The following TUBA4B variants were observed in gnomAD, a reference collection of about 807,000 sequenced individuals.
TUBA4B encodes the protein tubulin alpha 4b.
A neutral mutation model predicts 18.4 loss-of-function variants in TUBA4B; 13 were observed. That is an observed-to-expected ratio of 0.71 (90% CI 0.46 to 1.12). The LOEUF is 1.12. Ranked by LOEUF, TUBA4B falls within the 50% of genes most tolerant of loss-of-function variation. The pLI is 0.00. For missense variants in TUBA4B, 244 were observed against 250.0 expected, an observed-to-expected ratio of 0.98 and a Z score of 0.16; for synonymous variants, 101 against 99.1, an observed-to-expected ratio of 1.02 and a Z score of -0.11.
chr2:219,271,794 C>G lies in TUBA4B; in HGVS notation c.*95C>G, dbSNP rs1328425019. The G allele has an allele frequency of 1.2e-6, 2 of 1,605,512 alleles. No homozygotes were observed. Among genetic ancestry groups the G allele is most frequent in the East Asian group, 2.2e-5 (1 of 44,860 alleles). On this transcript the variant is annotated 3_prime_UTR_variant, in exon 4 of 4. Coordinates refer to ENST00000490341, the MANE Select transcript of TUBA4B (RefSeq NM_001355221.1). The stretch of plus-strand genomic sequence containing the variant: ...ATGTCAACGCTGCCATTGCTGCCAT[C>G]AAGACCAAGTGCAGCATTCAGTTTG...
intron 1 of TUBA4B, among the ~76,000 whole-genome samples, chr2:219,259,106 C>T (rs553998533): frequency 6.7e-6 from 1 of 149,348 alleles, no homozygotes; most frequent in East Asian, 2.0e-4. Context: ...CATGGTGAAA[C>T]CTCGTCTCTA....
intron 1 of TUBA4B, among the ~76,000 whole-genome samples, chr2:219,255,077 G>T (rs906979929): frequency 2.6e-5 from 4 of 151,986 alleles, no homozygotes; most frequent in Admixed American, 2.0e-4. Flanking sequence ...TTGAGTCAGT[G>T]TCTTGCTGTG....
intron 1 of TUBA4B, among the ~76,000 whole-genome samples, chr2:219,254,846 G>A (rs1216171264): frequency 6.6e-6 from 1 of 152,210 alleles, no homozygotes; most frequent in African/African-American, 2.4e-5. Flanking sequence ...TGCCTCTGAA[G>A]AGAAAAGAAG....
chr2:219,271,206 A>G lies in TUBA4B; in HGVS notation c.233A>G (p.His78Arg), dbSNP rs545924737. The G allele has an allele frequency of 8.1e-6, 9 of 1,116,402 alleles. No individual in the cohort carries two copies. The East Asian group carries it at 2.1e-4, about 26-fold the overall frequency. 69.2% of individuals were successfully genotyped at this position (1,116,402 alleles called of 1,614,324 possible). A position where few individuals can be genotyped will look rare whatever the true frequency, so the allele number is the denominator to read the frequency against. Residue 78 changes from histidine (H) to arginine (R), a missense_variant, in exon 4 of 4, where the codon CAC becomes CGC. By Grantham distance (29) the His-to-Arg change is conservative. Transcript: ENST00000490341. ...CTGLQGFLVFHSLGRGTGSDV... is the reference protein window; with the variant it reads ...CTGLQGFLVFRSLGRGTGSDV... ...GGACTTCAGGGCTTCCTGGTGTTCC[A>G]CAGCCTTGGTCGGGGCACTGGCTCT...
At chr2:219,260,671 T>C (rs1171862672) in intron 1 of TUBA4B, among the ~76,000 whole-genome samples, 1 of 152,174 alleles carries the variant, frequency 6.6e-6, no homozygotes, top group African/African-American at 2.4e-5. Context: ...TTCCAAGTGC[T>C]TGAGTTAAAA....
intron 2 of TUBA4B, among the ~76,000 whole-genome samples, chr2:219,269,080 C>T (rs1951809260): frequency 6.6e-6 from 1 of 152,152 alleles, no homozygotes; most frequent in South Asian, 2.1e-4. Flanking sequence ...GCCTGGGTGA[C>T]AAAGTGAGAT....
At chr2:219,261,248 A>G (rs1235821446) in intron 1 of TUBA4B, among the ~76,000 whole-genome samples, 2 of 152,198 alleles carry the variant, frequency 1.3e-5, no homozygotes, top group African/African-American at 4.8e-5. Flanking sequence ...ATCTTCCCTC[A>G]GGAACACAAG....
intron 1 of TUBA4B, among the ~76,000 whole-genome samples, chr2:219,257,983 GTTTT>G (rs1025891775): frequency 1.6e-4 from 15 of 94,172 alleles, no homozygotes; most frequent in African/African-American, 2.7e-4. Context: ...CATTTTGGGT[GTTTT>G]TTTTTTTTTT....
At chr2:219,256,543 G>A (rs1031372677) in intron 1 of TUBA4B, among the ~76,000 whole-genome samples, 1 of 152,232 alleles carries the variant, frequency 6.6e-6, no homozygotes, top group Non-Finnish European at 1.5e-5. Flanking sequence ...TCCAGGACCT[G>A]TGACTGTTAC....
rs745891750 is a variant in TUBA4B, at chr2:219,271,674, C to T, written c.701C>T (p.Ala234Val). Reference sequence around the variant, plus strand: ...TGGTGGCAGAGATTACCAATGCCTGCTTTGAGCCTGCCAACCAGATGGTGA... The same window carrying T: ...TGGTGGCAGAGATTACCAATGCCTGTTTTGAGCCTGCCAACCAGATGGTGA... ...SCWWQRLPMPALSLPTRW is the reference protein window; with the variant it reads ...SCWWQRLPMPVLSLPTRW Residue 234 changes from alanine to valine, a missense_variant, in exon 4 of 4, where the codon GCT (alanine) becomes GTT (valine). Coordinates refer to ENST00000490341, the MANE Select transcript of TUBA4B (RefSeq NM_001355221.1). 16 of 1,613,526 alleles carry T rather than the reference C, an allele frequency of 9.9e-6. No individual in the cohort carries two copies. The East Asian group carries it at 3.3e-4, about 34-fold the overall frequency.
intron 1 of TUBA4B, among the ~76,000 whole-genome samples, chr2:219,257,983 G>GT (rs1025891775): frequency 0.081 from 7,586 of 93,952 alleles, 494 homozygotes; most frequent in African/African-American, 0.16. Context: ...CATTTTGGGT[G>GT]TTTTTTTTTT....
chr2:219,270,460 A>G, intron 3 of TUBA4B, 125 bp downstream of exon 3: 4 of 639,528 alleles, frequency 6.3e-6, no homozygotes, highest in Middle Eastern at 2.5e-4. Context: ...GATCAGGACC[A>G]ATGAGGAGAG....
In TUBA4B at chr2:219,253,429, C is replaced by A. The variant is rs973474520; in HGVS notation, c.12+10C>A. 1.5e-5 allele frequency: 22 copies of A among 1,510,820 alleles called. No homozygotes were observed. The highest frequency in any genetic ancestry group is 3.4e-4 in the Middle Eastern group (2 of 5,968). 93.6% of individuals were successfully genotyped at this position (1,510,820 alleles called of 1,614,324 possible). A position where few individuals can be genotyped will look rare whatever the true frequency, so the allele number is the denominator to read the frequency against. On this transcript the variant is annotated intron_variant, in intron 1 of 3. Coordinates refer to ENST00000490341, the MANE Select transcript of TUBA4B (RefSeq NM_001355221.1). ...GGGGATGCGGCACCAGGTAACCTGA[C>A]CCCTTCCACCTTCTAGCGCCAAGCA... is the stretch of plus-strand genomic sequence containing the variant.
intron 1 of TUBA4B, among the ~76,000 whole-genome samples, chr2:219,259,336 A>G (rs980556093): frequency 2.0e-5 from 3 of 150,156 alleles, no homozygotes; most frequent in African/African-American, 4.9e-5. Context: ...AAAAAAAAAA[A>G]AAAAGAAATG....
rs532401265 is a variant in TUBA4B, at chr2:219,264,024, C to T, written c.13-2497C>T. On this transcript the variant is annotated intron_variant, in intron 1 of 3. Coordinates refer to ENST00000490341, the MANE Select transcript of TUBA4B (RefSeq NM_001355221.1). ...AGGGACTGAACTGTACAACAGTCCC[C>T]CCTTACTTACAAAGATATGTTGTAG... is the stretch of plus-strand genomic sequence containing the variant. 4.0e-3 allele frequency among the ~76,000 whole-genome samples: 605 copies of T among 152,290 alleles called. 2 individuals carry two copies. The highest frequency in any genetic ancestry group is 7.5e-3 in the Non-Finnish European group (512 of 68,026).
intron 3 of TUBA4B, among the ~76,000 whole-genome samples, chr2:219,270,639 C>T (rs1037598459): frequency 2.9e-5 from 4 of 139,528 alleles, no homozygotes; most frequent in African/African-American, 1.3e-4. Context: ...CAGAATACCA[C>T]CTTGTGTTAC....
intron 1 of TUBA4B, among the ~76,000 whole-genome samples, chr2:219,261,817 T>C (rs377032806): frequency 2.0e-5 from 3 of 152,374 alleles, no homozygotes; most frequent in South Asian, 4.1e-4. Flanking sequence ...GTTACACTTA[T>C]ATAAAAGCCA....
intron 1 of TUBA4B, among the ~76,000 whole-genome samples, chr2:219,262,850 G>C (rs1173204265): frequency 3.9e-5 from 6 of 152,008 alleles, no homozygotes; most frequent in Non-Finnish European, 8.8e-5. Context: ...AGACCAGCCT[G>C]ACCAACATGA....
chr2:219,260,461 T>A (rs1951752892), intron 1 of TUBA4B, among the ~76,000 whole-genome samples: 1 of 152,180 alleles, frequency 6.6e-6, no homozygotes, highest in Admixed American at 6.5e-5. Context: ...TGCTGACGAC[T>A]CAAATTTATA....
Sources: allele counts gnomAD v4.1 joint callset (sites outside exome capture counted in the v4.1 genomes callset), GRCh38; gene constraint gnomAD v4.1.1; transcripts MANE v1.5; gene names NCBI Gene and HGNC (gene_info 2026-07-23, HGNC 2026-07-21).